The following TGFBI variants were observed in gnomAD, a reference collection of about 807,000 sequenced individuals.
The protein encoded by TGFBI is transforming growth factor beta induced, also known as transforming growth factor-beta-induced protein ig-h3.
In TGFBI, 50 loss-of-function variants were observed where a neutral mutation model predicts 73.7. The observed-to-expected ratio is 0.68, with a 90% CI of 0.54 to 0.86. The LOEUF is 0.86. Ranked by LOEUF, TGFBI falls within the 40% of genes least tolerant of loss-of-function variation. The pLI is 0.00. For synonymous variants in TGFBI, 362 were observed against 360.5 expected, an observed-to-expected ratio of 1.00 and a Z score of -0.05; for missense variants, 839 against 877.0, an observed-to-expected ratio of 0.96 and a Z score of 0.55.
chr5:136,054,404 G>T (rs1751590073), intron 9 of TGFBI, among the ~76,000 whole-genome samples: 1 of 152,214 alleles, frequency 6.6e-6, no homozygotes, highest in African/African-American at 2.4e-5. Context: ...ACTTGCCAAT[G>T]TATAGTCAAG....
chr5:136,055,796 G>A lies in TGFBI; in HGVS notation c.1527G>A (p.Leu509=). Residue 509 remains leucine (L), a synonymous_variant, in exon 11 of 17, where the codon CTG becomes CTA. Transcript: ENST00000442011. Reference sequence around the variant, plus strand: ...CAATGGGGACTGTCATGGATGTCCTGAAGGGAGACAATCGCTTTAGGTAAT... The same window carrying A: ...CAATGGGGACTGTCATGGATGTCCTAAAGGGAGACAATCGCTTTAGGTAAT... ...TPPMGTVMDV[L]KGDNRFSMLV... is the part of the protein sequence containing the mutation. 1.2e-6 allele frequency: 2 copies of A among 1,610,016 alleles called. No individual in the cohort carries two copies. Among genetic ancestry groups the A allele is most frequent in the Non-Finnish European group, 1.7e-6 (2 of 1,176,964 alleles).
Position 136,049,260 on chromosome 5 carries a change from C to T in TGFBI, c.772-179C>T. On this transcript the variant is annotated intron_variant, in intron 6 of 16. Transcript: ENST00000442011. The stretch of plus-strand genomic sequence containing the variant: ...ATGGCCAGGCTGGCTGGAGCTCAGG[C>T]CCAGCAAGGCCCCCTGGGGGCCATG... The T allele has an allele frequency of 4.1e-6, 3 of 723,510 alleles. No individual in the cohort carries two copies. In the East Asian group the frequency reaches 8.4e-5, roughly 20 times the overall value. 44.8% of individuals were successfully genotyped at this position (723,510 alleles called of 1,614,324 possible). A position where few individuals can be genotyped will look rare whatever the true frequency, so the allele number is the denominator to read the frequency against.
rs1040693236 is a variant in TGFBI at position 136,063,749 on chromosome 5, T to C, written c.*523T>C. ...CTGTCCAGGTAGAAAAGAAATGGTA[T>C]GTAGAGCTTAGATTTCCCTATTGTG... On this transcript the variant is annotated 3_prime_UTR_variant, in exon 17 of 17. Transcript: ENST00000442011. 6.1e-6 allele frequency: 1 copy of C among 164,742 alleles called. No homozygotes were observed. Among genetic ancestry groups the C allele is most frequent in the Non-Finnish European group, 1.3e-5 (1 of 75,706 alleles). The allele number at this position is 164,742 out of a possible 1,614,324, so 10.2% of individuals were successfully genotyped here.
Position 136,061,137 on chromosome 5 carries a change from T to C in TGFBI, c.1906+201T>C, listed in dbSNP as rs949292415. 3.2e-5 allele frequency: 19 copies of C among 596,556 alleles called. No individual in the cohort carries two copies. The Admixed American group carries it at 5.2e-4, about 16-fold the overall frequency. The allele number at this position is 596,556 out of a possible 1,614,324, so 37.0% of individuals were successfully genotyped here. A position where few individuals can be genotyped will look rare whatever the true frequency, so the allele number is the denominator to read the frequency against. On this transcript the variant is annotated intron_variant, in intron 14 of 16. Transcript: ENST00000442011. ...CACACTAAGGAATGTGAGGACACAT[T>C]GCTCTTTGCGGAGTTGCCCAGCTAT... is the stretch of plus-strand genomic sequence containing the variant.
At position 136,056,553 on chromosome 5, in the gene TGFBI, G is replaced by T. The variant is rs1345363201; in HGVS notation, c.1548-112G>T. On this transcript the variant is annotated intron_variant, in intron 11 of 16. Transcript: ENST00000442011. ...AAGGTGTGTGCATTCCAGTGGCCTGGACTCTACTATCCTCAGTGGTGAGGT... is the reference window on the plus strand; with the variant it reads ...AAGGTGTGTGCATTCCAGTGGCCTGTACTCTACTATCCTCAGTGGTGAGGT... 16 of 1,434,582 alleles carry T rather than the reference G, an allele frequency of 1.1e-5. No homozygotes were observed. In the Admixed American group the frequency reaches 2.7e-4, roughly 24 times the overall value. 88.9% of individuals were successfully genotyped at this position (1,434,582 alleles called of 1,614,324 possible).
intron 7 of TGFBI, among the ~76,000 whole-genome samples, chr5:136,051,864 C>T (rs1207970284): frequency 6.6e-6 from 1 of 152,268 alleles, no homozygotes; most frequent in Non-Finnish European, 1.5e-5. Flanking sequence ...CTGAATGTGG[C>T]CAGCACGGGC....
intron 11 of TGFBI, chr5:136,056,422 G>A: frequency 6.2e-6 from 3 of 482,982 alleles, no homozygotes; most frequent in Non-Finnish European, 7.5e-6. Context: ...TTTCTCCTGT[G>A]GCCTCTGACG....
At chr5:136,060,970 G>C in intron 14 of TGFBI, 34 bp downstream of exon 14, 1 of 1,474,330 alleles carries the variant, frequency 6.8e-7, no homozygotes, top group Non-Finnish European at 9.2e-7. Context: ...TCTGCAGCCA[G>C]TCCTTTTCTT....
At chr5:136,031,037 C>T (rs765988329) in intron 1 of TGFBI, among the ~76,000 whole-genome samples, 3 of 152,204 alleles carry the variant, frequency 2.0e-5, no homozygotes, top group Non-Finnish European at 2.9e-5. Flanking sequence ...AGATCAACTT[C>T]CCCACCATAC....
Position 136,052,964 on chromosome 5 carries a change from G to T in TGFBI, c.971G>T (p.Gly324Val). 1 of 1,614,024 alleles carries T rather than the reference G, an allele frequency of 6.2e-7. No homozygotes were observed. Among genetic ancestry groups the T allele is most frequent in the South Asian group, 1.1e-5 (1 of 91,078 alleles). Reference protein sequence around the residue: ...SAMCAEAIVAGLSVETLEGTT... With the variant: ...SAMCAEAIVAVLSVETLEGTT... ...ATGTGTGCTGAAGCCATCGTTGCGG[G>T]GCTGTCTGTAGAGACCCTGGAGGGC... The change falls in exon 8 of 17, where the codon GGG becomes GTG. Residue 324 changes from glycine (G) to valine (V), a missense_variant. Transcript: ENST00000442011.
chr5:136,048,292 G>A (rs1165000118), intron 6 of TGFBI: 1 of 152,202 alleles, frequency 6.6e-6, no homozygotes, highest in South Asian at 2.1e-4. Flanking sequence ...CACATAGTTG[G>A]CAGCACGTGA....
chr5:136,040,453 C>T (rs1751309293), intron 2 of TGFBI, among the ~76,000 whole-genome samples: 1 of 152,186 alleles, frequency 6.6e-6, no homozygotes, highest in African/African-American at 2.4e-5. Context: ...CTATTGTGAA[C>T]TGTGCGTGTA....
At chr5:136,051,395 A>G (rs1016614876) in intron 7 of TGFBI, among the ~76,000 whole-genome samples, 2 of 152,148 alleles carry the variant, frequency 1.3e-5, no homozygotes, top group Non-Finnish European at 2.9e-5. Flanking sequence ...ATGCCACTGC[A>G]CTCCAGCCTG....
intron 1 of TGFBI, among the ~76,000 whole-genome samples, chr5:136,030,111 C>T (rs1184500539): frequency 6.6e-6 from 1 of 152,208 alleles, no homozygotes; most frequent in Non-Finnish European, 1.5e-5. Flanking sequence ...TCCAGCCTAC[C>T]TGGTTGCACC....
At chr5:136,058,253 A>G (rs552175135) in intron 12 of TGFBI, among the ~76,000 whole-genome samples, 1 of 152,276 alleles carries the variant, frequency 6.6e-6, no homozygotes, top group East Asian at 1.9e-4. Context: ...GAACTCTCCA[A>G]AATAAGTTAA....
chr5:136,046,758 G>A (rs776376458), intron 4 of TGFBI, 93 bp from the exon 5 acceptor site: 63 of 1,460,132 alleles, frequency 4.3e-5, no homozygotes, highest in Non-Finnish European at 5.2e-5. Context: ...CTGGGCTCAC[G>A]AGGGCTGAGA....
chr5:136,050,319 G>A (rs751477768), intron 7 of TGFBI, among the ~76,000 whole-genome samples: 20 of 136,926 alleles, frequency 1.5e-4, no homozygotes, highest in African/African-American at 5.3e-4. Context: ...GTGACACAGC[G>A]ACACTCCGTC....
intron 2 of TGFBI, among the ~76,000 whole-genome samples, chr5:136,039,322 A>C (rs914229752): frequency 6.6e-6 from 1 of 152,202 alleles, no homozygotes; most frequent in African/African-American, 2.4e-5. Context: ...AAAGTCATTC[A>C]CTGGTAAGCT....
At chr5:136,029,242 G>C (rs2126900134) in intron 1 of TGFBI, 53 bp downstream of exon 1, 1 of 1,418,788 alleles carries the variant, frequency 7.0e-7, no homozygotes. Flanking sequence ...GTCGGGGCTC[G>C]GAGCGCAAGC....
Sources: allele counts gnomAD v4.1 joint callset (sites outside exome capture counted in the v4.1 genomes callset), GRCh38; gene constraint gnomAD v4.1.1; transcripts MANE v1.5; gene names NCBI Gene and HGNC (gene_info 2026-07-23, HGNC 2026-07-21).